The following AKT2 variants were observed in gnomAD, a reference collection of about 807,000 sequenced individuals.
The protein encoded by AKT2 is AKT serine/threonine kinase 2.
AKT2 carries 16 observed loss-of-function variants against 58.6 expected under a neutral mutation model. That is an observed-to-expected ratio of 0.27 (90% CI 0.18 to 0.41). AKT2 has a LOEUF of 0.41. Ranked by LOEUF, AKT2 falls within the 10% of genes least tolerant of loss-of-function variation. The pLI is 1.00. For synonymous variants in AKT2, 253 were observed against 254.0 expected (o/e 1.00, Z 0.04); for missense variants, 438 against 661.0 (o/e 0.66, Z 3.70).
chr19:40,249,189 G>T (rs1028273764), intron 4 of AKT2, among the ~76,000 whole-genome samples: 3 of 152,270 alleles, frequency 2.0e-5, no homozygotes, highest in East Asian at 3.9e-4. Context: ...GTTTTAGTCA[G>T]GGGGGAACAG....
chr19:40,274,709 G>A (rs1026498428), intron 1 of AKT2: 6 of 267,450 alleles, frequency 2.2e-5, no homozygotes, highest in South Asian at 1.2e-4. Context: ...GGGGAGGAAC[G>A]CTGCAGGCAG....
At chr19:40,265,540 G>A (rs1195550868) in intron 1 of AKT2, 189 bp from the exon 2 acceptor site, 5 of 741,808 alleles carry the variant, frequency 6.7e-6, no homozygotes, top group South Asian at 3.8e-5. Context: ...TGTCCCCAGC[G>A]ACCCCAATCT....
Position 40,242,868 on chromosome 19 carries a change from G to A in AKT2, c.288-181C>T, listed in dbSNP as rs1005315796. On this transcript the variant is annotated intron_variant, in intron 4 of 13. Coordinates refer to ENST00000392038, the MANE Select transcript of AKT2 (RefSeq NM_001626.6). This position sits in a 1 kb window ranked among gnomAD's most constrained non-coding sequence, Gnocchi z 4.3. Reference sequence around the variant, plus strand: ...TGAAGGGACCTGAGTGAAATTCCACGCCAGGCGCAGTGGCTCATGCCTATA... The same window carrying A: ...TGAAGGGACCTGAGTGAAATTCCACACCAGGCGCAGTGGCTCATGCCTATA... The A allele has an allele frequency of 2.8e-5, 19 of 673,618 alleles. No homozygotes were observed. The highest frequency in any genetic ancestry group is 1.8e-4 in the African/African-American group (10 of 56,142). The allele number at this position is 673,618 out of a possible 1,614,324, so 41.7% of individuals were successfully genotyped here.
chr19:40,248,485 TGAG>T (rs961818701), intron 4 of AKT2, among the ~76,000 whole-genome samples: 3 of 152,176 alleles, frequency 2.0e-5, no homozygotes, highest in African/African-American at 7.2e-5. Context: ...AGGGGAGGCC[TGAG>T]GAGATGACGT....
rs533429829 is a variant in AKT2, at chr19:40,230,776, C to A, written c.*3096G>T. 1 of 195,684 alleles carries A rather than the reference C, an allele frequency of 5.1e-6. No individual in the cohort carries two copies. Among genetic ancestry groups the A allele is most frequent in the East Asian group, 7.9e-5 (1 of 12,652 alleles). 12.1% of individuals were successfully genotyped at this position (195,684 alleles called of 1,614,324 possible). A position where few individuals can be genotyped will look rare whatever the true frequency, so the allele number is the denominator to read the frequency against. On this transcript the variant is annotated 3_prime_UTR_variant, in exon 14 of 14. Coordinates refer to ENST00000392038, the MANE Select transcript of AKT2 (RefSeq NM_001626.6). ...ATTGTCCCAGGCTGCAGTGCAGTGC[C>A]GCAATCATAGCTCACTGCAGCCTCA...
In AKT2 at chr19:40,235,085, T is replaced by C. The variant is rs768831227; in HGVS notation, c.1326A>G (p.Glu442=). 6 of 1,613,926 alleles carry C rather than the reference T, an allele frequency of 3.7e-6. No individual in the cohort carries two copies. The highest frequency in any genetic ancestry group is 5.1e-6 in the Non-Finnish European group (6 of 1,180,006). ...SEVDTRYFDD[E]FTAQSITITP... The stretch of plus-strand genomic sequence containing the variant: ...TGATTGTGATGGACTGGGCGGTAAA[T>C]TCATCATCGAAGTACCTTGTGTCGA... Residue 442 remains glutamate (E), a synonymous_variant, in exon 13 of 14, where the codon GAA becomes GAG. Coordinates refer to ENST00000392038, the MANE Select transcript of AKT2 (RefSeq NM_001626.6). This position sits in a 1 kb window ranked among gnomAD's most constrained non-coding sequence, Gnocchi z 6.3.
intron 1 of AKT2, among the ~76,000 whole-genome samples, chr19:40,281,308 T>C (rs982907961): frequency 3.9e-5 from 6 of 151,958 alleles, no homozygotes; most frequent in Admixed American, 2.6e-4. Context: ...CTGAGCAACA[T>C]AGCGAGACTC....
intron 9 of AKT2, 95 bp from the exon 10 acceptor site, chr19:40,236,480 ACATCAACCCTCCCATGCC>A (rs1186837148): frequency 1.0e-5 from 16 of 1,536,526 alleles, no homozygotes. Flanking sequence ...GGGCTCCTGG[ACATCAACCCTCCCATGCC>A]AGGCTGGGCC....
chr19:40,245,616 T>C (rs555284442), intron 4 of AKT2, among the ~76,000 whole-genome samples: 7 of 152,106 alleles, frequency 4.6e-5, no homozygotes, highest in African/African-American at 1.4e-4. Context: ...CTCCCACCCA[T>C]TATGAAGGAG....
Position 40,238,889 on chromosome 19 carries a change from G to A in AKT2, c.708+16C>T. On this transcript the variant is annotated intron_variant, in intron 8 of 13. Coordinates refer to ENST00000392038, the MANE Select transcript of AKT2 (RefSeq NM_001626.6). This position sits in a 1 kb window ranked among gnomAD's most constrained non-coding sequence, Gnocchi z 5.1. Reference sequence around the variant, plus strand: ...AGGAGGCCCCAGAGGGCAAAGTCAAGGCAGCCGCGGCTCACCTCACCCCCG... The same window carrying A: ...AGGAGGCCCCAGAGGGCAAAGTCAAAGCAGCCGCGGCTCACCTCACCCCCG... 1 of 1,613,982 alleles carries A rather than the reference G, an allele frequency of 6.2e-7. No homozygotes were observed. The highest frequency in any genetic ancestry group is 8.5e-7 in the Non-Finnish European group (1 of 1,179,940).
chr19:40,274,177 CTA>C (rs1332520326), intron 1 of AKT2: 1 of 152,456 alleles, frequency 6.6e-6, no homozygotes, highest in Non-Finnish European at 1.5e-5. Flanking sequence ...ACCTGCATGA[CTA>C]TGTGGGTAAT....
At chr19:40,266,881 G>C (rs1003136704) in intron 1 of AKT2, among the ~76,000 whole-genome samples, 1 of 152,138 alleles carries the variant, frequency 6.6e-6, no homozygotes, top group Non-Finnish European at 1.5e-5. Flanking sequence ...AGGATCACTC[G>C]AGCCTGGGAG....
intron 6 of AKT2, chr19:40,240,370 C>A (rs578240866): frequency 3.8e-5 from 26 of 677,140 alleles, no homozygotes; most frequent in Middle Eastern, 4.7e-4. Context: ...AGGGACAAGA[C>A]ACCTGTGACG....
chr19:40,271,847 A>G (rs2077221964), intron 1 of AKT2, among the ~76,000 whole-genome samples: 2 of 152,192 alleles, frequency 1.3e-5, no homozygotes, highest in South Asian at 4.1e-4. Flanking sequence ...GGTTACGACA[A>G]TCAAACATGT....
intron 4 of AKT2, among the ~76,000 whole-genome samples, chr19:40,247,231 C>T (rs1197527323): frequency 1.3e-5 from 2 of 152,218 alleles, no homozygotes; most frequent in Non-Finnish European, 2.9e-5. Flanking sequence ...CCCCATGAAG[C>T]TGGGCCTCAA....
At chr19:40,254,460 G>C (rs1416272607) in intron 4 of AKT2, among the ~76,000 whole-genome samples, 1 of 151,490 alleles carries the variant, frequency 6.6e-6, no homozygotes, top group East Asian at 1.9e-4. Context: ...CCCGGGAGGC[G>C]GAGGTTGCAG....
intron 1 of AKT2, among the ~76,000 whole-genome samples, chr19:40,271,047 C>CAAAA (rs2077202998): frequency 6.8e-6 from 1 of 147,896 alleles, no homozygotes; most frequent in African/African-American, 2.6e-5. Context: ...AACAAACAAA[C>CAAAA]AAAAAAAGCT....
chr19:40,284,959 C>T, intron 1 of AKT2: 2 of 353,680 alleles, frequency 5.7e-6, no homozygotes, highest in East Asian at 4.2e-5. Context: ...TGCAGCGCTC[C>T]CCCCACCGCC....
intron 1 of AKT2, chr19:40,269,484 C>T (rs537381574): frequency 5.3e-5 from 8 of 152,304 alleles, no homozygotes; most frequent in African/African-American, 1.9e-4. Context: ...GTAGAGGAAC[C>T]AGAACCCTTA....
Sources: gnomAD v4.1 joint callset for allele counts (sites outside exome capture counted in the v4.1 genomes callset) on GRCh38, gnomAD v4.1.1 for gene constraint, Gnocchi (gnomAD v3.1) non-coding constraint, MANE v1.5 for transcripts, NCBI Gene and HGNC (gene_info 2026-07-23, HGNC 2026-07-21) for gene names.